ACSM1: variants seen among roughly 807,000 people sequenced by gnomAD.
ACSM1 encodes acyl-CoA synthetase medium chain family member 1, also known as acyl-coenzyme A synthetase ACSM1, mitochondrial.
ACSM1 carries 79 observed loss-of-function variants against 75.8 expected under a neutral mutation model. The observed-to-expected ratio is 1.04, with a 90% CI of 0.87 to 1.26. The LOEUF (loss-of-function observed/expected upper bound fraction) is 1.26, where lower values mean the gene tolerates loss of function less well. ACSM1 is among the 50% of genes most tolerant of loss of function. ACSM1 has a pLI of 0.00. For missense variants in ACSM1, 676 were observed against 720.1 expected, an observed-to-expected ratio of 0.94 and a Z score of 0.70; for synonymous variants, 279 against 265.8, an observed-to-expected ratio of 1.05 and a Z score of -0.48.
rs74014538 is a variant in ACSM1, at chr16:20,624,221, G to T, written c.1528-6C>A. On this transcript the variant is annotated splice_region_variant and splice_polypyrimidine_tract_variant and intron_variant, in intron 12 of 13. Transcript: ENST00000520010. Reference sequence around the variant, plus strand: ...ACAATAAAGGCCTTCACCACCTGCAGAATGAAGTCATGGGCTCACAGTGAG... The same window carrying T: ...ACAATAAAGGCCTTCACCACCTGCATAATGAAGTCATGGGCTCACAGTGAG... 5,681 of 1,605,286 alleles carry T rather than the reference G, an allele frequency of 3.5e-3. 29 individuals carry two copies. Among genetic ancestry groups the T allele is most frequent in the Middle Eastern group, 0.012 (74 of 6,006 alleles).
Position 20,669,825 on chromosome 16 carries a change from A to C in ACSM1, c.912+2T>G. The stretch of plus-strand genomic sequence containing the variant: ...CTGATAGGGGAAGGTGAGTCTTCTT[A>C]CCTGTATGATGACCTTGGTGTCAAA... On this transcript the variant is annotated splice_donor_variant, in intron 6 of 13. Transcript: ENST00000520010. LOFTEE classifies it high-confidence loss of function. 6.2e-7 allele frequency: 1 copy of C among 1,613,648 alleles called. No individual in the cohort carries two copies. The highest frequency in any genetic ancestry group is 1.1e-5 in the South Asian group (1 of 91,036).
rs115540656 is a variant in ACSM1, at chr16:20,648,026, G to A, written c.993-7442C>T. Among the ~76,000 whole-genome samples the A allele has an allele frequency of 6.6e-6, 1 of 152,228 alleles. No homozygotes were observed. Among genetic ancestry groups the A allele is most frequent in the Non-Finnish European group, 1.5e-5 (1 of 68,002 alleles). On this transcript the variant is annotated intron_variant, in intron 7 of 13. Transcript: ENST00000520010. This position sits in a 1 kb window ranked among gnomAD's most constrained non-coding sequence, Gnocchi z 4.2. ...TGGGCTCCCAGAGCTCAGGAACTTT[G>A]CAGCCTCCACAGTCGCGATGGCCCC... is the stretch of plus-strand genomic sequence containing the variant.
chr16:20,669,441 AACACACACACACACACACACAC>A (rs71149170), intron 6 of ACSM1, among the ~76,000 whole-genome samples: 1 of 141,252 alleles, frequency 7.1e-6, no homozygotes, highest in Admixed American at 7.2e-5. Context: ...TGAGTAAGAA[AACACACACACACACACACACAC>A]ACACACACAC....
chr16:20,629,472 A>C (rs1413599589), intron 10 of ACSM1, among the ~76,000 whole-genome samples: 1 of 152,244 alleles, frequency 6.6e-6, no homozygotes, highest in African/African-American at 2.4e-5. Context: ...GTGTCACTAC[A>C]AAAAGGAAAC....
Position 20,648,515 on chromosome 16 carries a change from G to A in ACSM1, c.993-7931C>T, listed in dbSNP as rs185038281. Among the ~76,000 whole-genome samples the A allele has an allele frequency of 3.3e-5, 5 of 152,290 alleles. No homozygotes were observed. Among genetic ancestry groups the A allele is most frequent in the Non-Finnish European group, 7.4e-5 (5 of 68,018 alleles). On this transcript the variant is annotated intron_variant, in intron 7 of 13. Transcript: ENST00000520010. This position sits in a 1 kb window ranked among gnomAD's most constrained non-coding sequence, Gnocchi z 4.2. Reference sequence around the variant, plus strand: ...AGAGGTCAGGCCATGATGGAAATGGGTGGTTGGATGTACCTCATTATACCC... The same window carrying A: ...AGAGGTCAGGCCATGATGGAAATGGATGGTTGGATGTACCTCATTATACCC...
Position 20,661,817 on chromosome 16 carries a change from C to A in ACSM1, c.969G>T (p.Met323Ile), listed in dbSNP as rs775819776. Reference sequence around the variant, plus strand: ...ACCTGGTGAAATCCTGCTGCAGAATCATTCGATATATAGATGATACCCCCC... The same window carrying A: ...ACCTGGTGAAATCCTGCTGCAGAATAATTCGATATATAGATGATACCCCCC... ...HFWGVSSIYR[M>I]ILQQDFTSIR... is the part of the protein sequence containing the mutation. Residue 323 changes from methionine to isoleucine, a missense_variant, in exon 7 of 14, where the codon ATG becomes ATT. Coordinates refer to ENST00000520010, the MANE Select transcript of ACSM1 (RefSeq NM_001318890.3). 6.2e-7 allele frequency: 1 copy of A among 1,610,418 alleles called. No individual in the cohort carries two copies. Among genetic ancestry groups the A allele is most frequent in the Non-Finnish European group, 8.5e-7 (1 of 1,177,362 alleles).
At chr16:20,624,002 G>T in intron 13 of ACSM1, 94 bp downstream of exon 13, 2 of 1,546,504 alleles carry the variant, frequency 1.3e-6, no homozygotes, top group South Asian at 1.2e-5. Context: ...AACCTCCATT[G>T]TTTGGGGCTG....
intron 4 of ACSM1, chr16:20,676,120 C>G (rs1051101674): frequency 6.6e-6 from 1 of 152,256 alleles, no homozygotes; most frequent in Non-Finnish European, 1.5e-5. Flanking sequence ...GGCTCCCAGT[C>G]TCACCTGAGA....
At chr16:20,676,551 A>G (rs778720073) in intron 4 of ACSM1, among the ~76,000 whole-genome samples, 6 of 152,194 alleles carry the variant, frequency 3.9e-5, no homozygotes, top group Non-Finnish European at 8.8e-5. Flanking sequence ...GTAGGTGTGA[A>G]TGCAACTCAG....
chr16:20,661,695 C>A, intron 7 of ACSM1, 99 bp downstream of exon 7: 1 of 867,824 alleles, frequency 1.2e-6, no homozygotes, highest in Non-Finnish European at 1.9e-6. Context: ...CACAAACACA[C>A]ACACACTCCT....
In ACSM1 at chr16:20,660,404, T is replaced by A. The variant is rs150861424; in HGVS notation, c.992+1390A>T. Among the ~76,000 whole-genome samples, 43 of 152,278 alleles carry A rather than the reference T, an allele frequency of 2.8e-4. 1 individual carries two copies. Among genetic ancestry groups the A allele is most frequent in the African/African-American group, 1.0e-3 (42 of 41,576 alleles). ...TTTCCACCTCACTACCCTCTCCTGA[T>A]ACAGACAGGGTCAAGAGTGAGGATA... On this transcript the variant is annotated intron_variant, in intron 7 of 13. Transcript: ENST00000520010.
chr16:20,672,471 A>AAAAAAAATATATATATATATATATAT (rs1555473775), intron 4 of ACSM1, among the ~76,000 whole-genome samples: 1 of 64,558 alleles, frequency 1.5e-5, no homozygotes, highest in African/African-American at 6.1e-5. Flanking sequence ...AAAAAAAAAA[A>AAAAAAAATATATATATATATATATAT]ATATATATAT....
rs779328020 is a variant in ACSM1 at position 20,669,963 on chromosome 16, G to A, written c.776C>T (p.Thr259Ile). The change falls in exon 6 of 14, where the codon ACA becomes ATA. Residue 259 changes from threonine to isoleucine, a missense_variant. Thr to Ile is a moderately conservative substitution (Grantham distance 89). Coordinates refer to ENST00000520010, the MANE Select transcript of ACSM1 (RefSeq NM_001318890.3). ...CGACAGGCACCAGGAGACATCAGAT[G>A]TCTTCAGGCTCCGTAATTTCCTACT... is the stretch of plus-strand genomic sequence containing the variant. ...PGSRKLRSLK[T>I]SDVSWCLSDS... is the part of the protein sequence containing the mutation. The A allele has an allele frequency of 1.2e-6, 2 of 1,613,868 alleles. No individual in the cohort carries two copies. The highest frequency in any genetic ancestry group is 2.2e-5 in the South Asian group (2 of 91,070).
intron 11 of ACSM1, 60 bp from the exon 12 acceptor site, chr16:20,625,582 C>A: frequency 2.1e-5 from 31 of 1,491,790 alleles, no homozygotes; most frequent in Non-Finnish European, 2.9e-5. Flanking sequence ...GTCCCCAGAT[C>A]TCCTGCTTTG....
chr16:20,627,352 T>C, intron 10 of ACSM1, 36 bp from the exon 11 acceptor site: 1 of 1,547,846 alleles, frequency 6.5e-7, no homozygotes, highest in Non-Finnish European at 8.7e-7. Flanking sequence ...TTGAAGGCAG[T>C]GAATTTAGAG....
chr16:20,652,761 A>G (rs2018717594), intron 7 of ACSM1, among the ~76,000 whole-genome samples: 1 of 152,232 alleles, frequency 6.6e-6, no homozygotes, highest in Non-Finnish European at 1.5e-5. Context: ...GCAATAAATA[A>G]TAGCCTACCA....
intron 6 of ACSM1, among the ~76,000 whole-genome samples, chr16:20,664,147 GTATTTATT>G (rs71149169): frequency 2.7e-5 from 4 of 145,606 alleles, no homozygotes; most frequent in African/African-American, 1.0e-4. Context: ...AAATTGAATA[GTATTTATT>G]TATTTATTTA....
chr16:20,660,813 T>A (rs1454943215), intron 7 of ACSM1, among the ~76,000 whole-genome samples: 1 of 152,130 alleles, frequency 6.6e-6, no homozygotes, highest in Non-Finnish European at 1.5e-5. Flanking sequence ...TTTCAAAGAG[T>A]GTGTTTTGGT....
chr16:20,684,316 G>A (rs961943597), intron 3 of ACSM1, among the ~76,000 whole-genome samples: 6 of 152,102 alleles, frequency 3.9e-5, no homozygotes, highest in East Asian at 1.9e-4. Flanking sequence ...TCACACAATC[G>A]CTTAAGGATC....
Sources: gnomAD v4.1 joint callset for allele counts (sites outside exome capture counted in the v4.1 genomes callset) on GRCh38, gnomAD v4.1.1 for gene constraint, Gnocchi (gnomAD v3.1) non-coding constraint, MANE v1.5 for transcripts, NCBI Gene and HGNC (gene_info 2026-07-23, HGNC 2026-07-21) for gene names.